Variants in ACBD5 observed in about 807,000 individuals in gnomAD.
ACBD5 encodes acyl-CoA-binding domain-containing protein 5.
In ACBD5, 40 loss-of-function variants were observed where a neutral mutation model predicts 71.8. The observed-to-expected ratio is 0.56, with a 90% CI of 0.43 to 0.72. The LOEUF is 0.72. Ranked by LOEUF, ACBD5 falls within the 30% of genes least tolerant of loss-of-function variation. ACBD5 has a pLI of 0.00. For missense variants in ACBD5, 559 were observed against 644.5 expected (o/e 0.87, Z 1.44); for synonymous variants, 229 against 218.6 (o/e 1.05, Z -0.42).
chr10:27,230,554 T>C (rs550662343), intron 4 of ACBD5, among the ~76,000 whole-genome samples: 3 of 152,152 alleles, frequency 2.0e-5, no homozygotes, highest in Non-Finnish European at 4.4e-5. Flanking sequence ...CCCAGAACTT[T>C]GGGAGGCCAA....
intron 4 of ACBD5, among the ~76,000 whole-genome samples, chr10:27,223,928 A>G (rs2062683904): frequency 6.6e-6 from 1 of 152,062 alleles, no homozygotes; most frequent in Non-Finnish European, 1.5e-5. Flanking sequence ...AAAAAATAAA[A>G]TAAAAGGAAT....
chr10:27,194,417 C>T (rs1466661722), downstream of ACBD5, among the ~76,000 whole-genome samples: 1 of 149,638 alleles, frequency 6.7e-6, no homozygotes, highest in African/African-American at 2.5e-5. Flanking sequence ...TCAAGACCAG[C>T]CTAGCCAACA....
chr10:27,208,734 A>C (rs1415284405), intron 9 of ACBD5, among the ~76,000 whole-genome samples: 2 of 152,174 alleles, frequency 1.3e-5, no homozygotes, highest in Non-Finnish European at 2.9e-5. Context: ...GCTACTCAGG[A>C]GCCTGAGGCA....
intron 2 of ACBD5, among the ~76,000 whole-genome samples, chr10:27,237,230 A>C (rs1002384282): frequency 3.3e-5 from 5 of 152,278 alleles, no homozygotes; most frequent in East Asian, 1.9e-4. Flanking sequence ...AAATACAAAA[A>C]CCGAGAACAT....
At chr10:27,215,142 TGACA>T (rs1429455080) in intron 8 of ACBD5, among the ~76,000 whole-genome samples, 2 of 151,928 alleles carry the variant, frequency 1.3e-5, no homozygotes, top group East Asian at 1.9e-4. Context: ...CCAGCCTGGG[TGACA>T]GACAGAGACC....
In ACBD5 at chr10:27,187,023, C is replaced by T. The variant is rs191031244; in HGVS notation, c.1494-4308G>A. On this transcript the variant is annotated intron_variant, in intron 13 of 13. Coordinates refer to the ACBD5 transcript ENST00000676511. Reference sequence around the variant, plus strand: ...GACCTCAGAAATGCAGCTGGAAGGCCGGGCGCAGTGGCTCACGCATGTAAT... The same window carrying T: ...GACCTCAGAAATGCAGCTGGAAGGCTGGGCGCAGTGGCTCACGCATGTAAT... 9.8e-5 allele frequency: 20 copies of T among 203,912 alleles called. No homozygotes were observed. In the South Asian group the frequency reaches 1.4e-3, roughly 14 times the overall value. The allele number at this position is 203,912 out of a possible 1,614,324, so 12.6% of individuals were successfully genotyped here.
intron 3 of ACBD5, among the ~76,000 whole-genome samples, chr10:27,233,191 C>T (rs1454687115): frequency 6.6e-6 from 1 of 152,130 alleles, no homozygotes; most frequent in Non-Finnish European, 1.5e-5. Context: ...CTTTGAGAGG[C>T]CATGGCGGGC....
At chr10:27,230,738 A>G (rs569942496) in intron 4 of ACBD5, among the ~76,000 whole-genome samples, 313 of 145,964 alleles carry the variant, frequency 2.1e-3, no homozygotes, top group African/African-American at 7.5e-3. Context: ...TGAAGGTTAC[A>G]GTCAGCCAAG....
Position 27,223,360 on chromosome 10 carries a change from G to T in ACBD5, c.468C>A (p.Gly156=). The change falls in exon 5 of 13, where the codon GGC becomes GGA. Residue 156 remains glycine, a synonymous_variant. Coordinates refer to ENST00000396271, the MANE Select transcript of ACBD5 (RefSeq NM_145698.5). ...AACCTGAGGTTATATCAGAACTCCTGCCACTCTTTTTGTCCTCGACAATTT... is the reference window on the plus strand; with the variant it reads ...AACCTGAGGTTATATCAGAACTCCTTCCACTCTTTTTGTCCTCGACAATTT... The part of the protein sequence containing the change: ...FYEIVEDKKS[G]RSSDITSDLG... 6.2e-7 allele frequency: 1 copy of T among 1,613,530 alleles called. No individual in the cohort carries two copies. The highest frequency in any genetic ancestry group is 8.5e-7 in the Non-Finnish European group (1 of 1,179,676).
downstream of ACBD5, among the ~76,000 whole-genome samples, chr10:27,194,368 T>C (rs1189114917): frequency 6.6e-6 from 1 of 151,762 alleles, no homozygotes; most frequent in Non-Finnish European, 1.5e-5. Context: ...CCCAGCACTT[T>C]GGGAGGCAGA....
intron 2 of ACBD5, among the ~76,000 whole-genome samples, chr10:27,238,097 G>A (rs977848102): frequency 2.0e-5 from 3 of 151,680 alleles, no homozygotes; most frequent in Non-Finnish European, 2.9e-5. Context: ...AGGCGCCCAC[G>A]ACCACGCCTG....
At position 27,231,819 on chromosome 10, in the gene ACBD5, C is replaced by T. The variant is rs1260447927; in HGVS notation, c.304G>A (p.Asp102Asn). ...ATATCACCCAGTGAACTCCAAGCATCCCTAGAAATGAAAGTATCCACAAAA... is the reference window on the plus strand; with the variant it reads ...ATATCACCCAGTGAACTCCAAGCATTCCTAGAAATGAAAGTATCCACAAAA... ...FWDPIGRYKWDAWSSLGDMTK... is the reference protein window; with the variant it reads ...FWDPIGRYKWNAWSSLGDMTK... The change falls in exon 4 of 13, where the codon GAT becomes AAT. Residue 102 changes from aspartate (D) to asparagine (N), a missense_variant and splice_region_variant. Physicochemically the swap from Asp to Asn is conservative, Grantham distance 23. Transcript: ENST00000396271. 6.2e-7 allele frequency: 1 copy of T among 1,613,316 alleles called. No homozygotes were observed. Among genetic ancestry groups the T allele is most frequent in the Non-Finnish European group, 8.5e-7 (1 of 1,179,710 alleles).
In ACBD5 at chr10:27,195,858, T is replaced by A. The variant is rs1204389988; in HGVS notation, c.*1572A>T. On this transcript the variant is annotated 3_prime_UTR_variant, in exon 13 of 13. Coordinates refer to ENST00000396271, the MANE Select transcript of ACBD5 (RefSeq NM_145698.5). ...AGATTATTTCTTATTTAAAACACTG[T>A]GAACATATGATGTTAAACCCAACAT... 3 of 451,776 alleles carry A rather than the reference T, an allele frequency of 6.6e-6. No individual in the cohort carries two copies. In the Admixed American group the frequency reaches 7.2e-5, roughly 11 times the overall value. 28.0% of individuals were successfully genotyped at this position (451,776 alleles called of 1,614,324 possible).
In ACBD5 at chr10:27,208,103, T is replaced by C. The variant is rs75093458; in HGVS notation, c.1404+143A>G. 7.5e-4 allele frequency: 643 copies of C among 853,812 alleles called. 3 individuals carry two copies. The African/African-American group carries it at 8.9e-3, about 12-fold the overall frequency. 52.9% of individuals were successfully genotyped at this position (853,812 alleles called of 1,614,324 possible). A position where few individuals can be genotyped will look rare whatever the true frequency, so the allele number is the denominator to read the frequency against. ...ATTAGTTTCTGGGTCAGTCTTTTCT[T>C]AAACAATATTTTCAAAACCAAGTTC... is the stretch of plus-strand genomic sequence containing the variant. On this transcript the variant is annotated intron_variant, in intron 10 of 12. Coordinates refer to ENST00000396271, the MANE Select transcript of ACBD5 (RefSeq NM_145698.5).
At position 27,218,154 on chromosome 10, in the gene ACBD5, G is replaced by A; in HGVS notation, c.655C>T (p.His219Tyr). ...GTGACAATGACTTCCAAATTCTTAT[G>A]GTCTGCTGACTTCTTCATCATTTTC... is the stretch of plus-strand genomic sequence containing the variant. ...DKKMMKKSADHKNLEVIVTNG... is the reference protein window; with the variant it reads ...DKKMMKKSADYKNLEVIVTNG... Residue 219 changes from histidine to tyrosine, a missense_variant, in exon 7 of 13, where the codon CAT becomes TAT. Coordinates refer to ENST00000396271, the MANE Select transcript of ACBD5 (RefSeq NM_145698.5). The A allele has an allele frequency of 6.2e-7, 1 of 1,613,884 alleles. No homozygotes were observed. Among genetic ancestry groups the A allele is most frequent in the Non-Finnish European group, 8.5e-7 (1 of 1,179,906 alleles).
At chr10:27,217,580 CAAGG>C (rs1277653612) in intron 7 of ACBD5, among the ~76,000 whole-genome samples, 27 of 152,204 alleles carry the variant, frequency 1.8e-4, no homozygotes, top group African/African-American at 6.0e-4. Context: ...TTTGGGAGGC[CAAGG>C]CAGGCAGATC....
chr10:27,214,578 TATC>T (rs2061433636), intron 8 of ACBD5, among the ~76,000 whole-genome samples: 1 of 152,096 alleles, frequency 6.6e-6, no homozygotes, highest in Non-Finnish European at 1.5e-5. Context: ...AAAATACTGC[TATC>T]ATCATTATCA....
In ACBD5 at chr10:27,240,245, T is replaced by C; in HGVS notation, c.181+74A>G. On this transcript the variant is annotated intron_variant, in intron 2 of 12. Coordinates refer to ENST00000396271, the MANE Select transcript of ACBD5 (RefSeq NM_145698.5). The surrounding 1 kb of genome is among the most constrained non-coding windows in gnomAD (Gnocchi z 4.1). ...GAAAAAAAGGCTAAATAAACAACACTAGAACCAGAAAGTGAAAGGGGGCTT... is the reference window on the plus strand; with the variant it reads ...GAAAAAAAGGCTAAATAAACAACACCAGAACCAGAAAGTGAAAGGGGGCTT... The C allele has an allele frequency of 1.2e-6, 2 of 1,612,212 alleles. No homozygotes were observed. The highest frequency in any genetic ancestry group is 1.1e-5 in the South Asian group (1 of 90,954).
chr10:27,207,730 C>T (rs1032620779), intron 10 of ACBD5, among the ~76,000 whole-genome samples: 24 of 151,920 alleles, frequency 1.6e-4, no homozygotes, highest in Middle Eastern at 6.8e-3. Flanking sequence ...TATTTATTTA[C>T]TTACTTACTT....
Sources: allele counts gnomAD v4.1 joint callset (sites outside exome capture counted in the v4.1 genomes callset), GRCh38; gene constraint gnomAD v4.1.1; non-coding constraint Gnocchi (gnomAD v3.1); transcripts MANE v1.5; gene names NCBI Gene and HGNC (gene_info 2026-07-23, HGNC 2026-07-21).